The following TTC28 variants were observed in gnomAD, a reference collection of about 807,000 sequenced individuals.
TTC28 encodes tetratricopeptide repeat protein 28.
A neutral mutation model predicts 198.0 loss-of-function variants in TTC28; 61 were observed. That is an observed-to-expected ratio of 0.31 (90% CI 0.25 to 0.38). TTC28 has a LOEUF of 0.38. Among genes scored for constraint, TTC28 ranks in the 10% least tolerant of loss-of-function variants. The pLI, the probability that TTC28 is intolerant of heterozygous loss-of-function variation, is 1.00. For synonymous variants in TTC28, 1,171 were observed against 1,297.8 expected (o/e 0.90, Z 2.10); for missense variants, 2,678 against 3,164.0 (o/e 0.85, Z 3.69).
At chr22:28,133,098 C>G (rs1322646260) in intron 6 of TTC28, among the ~76,000 whole-genome samples, 2 of 152,158 alleles carry the variant, frequency 1.3e-5, no homozygotes, top group African/African-American at 4.8e-5. Context: ...TGGCGCATGC[C>G]TGTAATTCCA....
At chr22:28,156,152 G>C (rs1439016862) in intron 6 of TTC28, among the ~76,000 whole-genome samples, 9 of 152,170 alleles carry the variant, frequency 5.9e-5, no homozygotes, top group Non-Finnish European at 1.3e-4. Flanking sequence ...CTAATCTCCA[G>C]AACCTGTGAA....
intron 12 of TTC28, among the ~76,000 whole-genome samples, chr22:28,059,441 T>G (rs924769001): frequency 6.6e-6 from 1 of 152,026 alleles, no homozygotes; most frequent in African/African-American, 2.4e-5. Flanking sequence ...TATCAAAATG[T>G]GTTTTATAGT....
rs1937094868 is a variant in TTC28 at position 27,983,501 on chromosome 22, ATTC to A, written c.6163_6165del (p.Glu2055del). The A allele has an allele frequency of 6.5e-6, 10 of 1,547,862 alleles. No individual in the cohort carries two copies. Among genetic ancestry groups the A allele is most frequent in the Non-Finnish European group, 7.0e-6 (8 of 1,145,994 alleles). The stretch of plus-strand genomic sequence containing the variant: ...TTACTGATGATAGAAAACCCTTCAT[ATTC>A]TTCTTCATCTTTGTTGCCTGCAGGG... On this transcript the variant is annotated inframe_deletion, in exon 23 of 23. Coordinates refer to ENST00000397906, the MANE Select transcript of TTC28 (RefSeq NM_001145418.2).
At chr22:28,149,792 T>C (rs551588774) in intron 6 of TTC28, among the ~76,000 whole-genome samples, 1 of 152,230 alleles carries the variant, frequency 6.6e-6, no homozygotes, top group Non-Finnish European at 1.5e-5. Flanking sequence ...GGTGCAAATT[T>C]CCAGTTAGAC....
At chr22:28,035,270 G>A (rs1939293836) in intron 12 of TTC28, among the ~76,000 whole-genome samples, 1 of 152,122 alleles carries the variant, frequency 6.6e-6, no homozygotes, top group South Asian at 2.1e-4. Context: ...GAAAACGACA[G>A]GCGAGAAACT....
At chr22:28,263,127 T>C (rs1931436953) in intron 5 of TTC28, among the ~76,000 whole-genome samples, 1 of 152,128 alleles carries the variant, frequency 6.6e-6, no homozygotes, top group Non-Finnish European at 1.5e-5. Flanking sequence ...GAGGTGTTGA[T>C]TGAGATGAAT....
At chr22:28,361,887 A>G (rs1016538720) in intron 2 of TTC28, among the ~76,000 whole-genome samples, 1 of 152,232 alleles carries the variant, frequency 6.6e-6, no homozygotes, top group Admixed American at 6.5e-5. Context: ...CAAATGAAAC[A>G]ACAATGCCTG....
intron 12 of TTC28, 39 bp downstream of exon 12, chr22:28,094,041 T>A (rs1941896466): frequency 6.7e-7 from 1 of 1,488,474 alleles, no homozygotes; most frequent in Non-Finnish European, 8.9e-7. Flanking sequence ...TACCCTGAGA[T>A]TTATCTGAAA....
chr22:28,400,506 G>A (rs2046889839), intron 2 of TTC28, among the ~76,000 whole-genome samples: 1 of 152,192 alleles, frequency 6.6e-6, no homozygotes, highest in Admixed American at 6.5e-5. Context: ...AAGACCCAGT[G>A]CACATATAGT....
intron 2 of TTC28, among the ~76,000 whole-genome samples, chr22:28,363,590 T>C (rs149623329): frequency 0.016 from 2,401 of 152,228 alleles, 85 homozygotes; most frequent in African/African-American, 0.056. Context: ...GTAGATCCAC[T>C]GACAGCTTGC....
At chr22:28,216,421 T>G (rs1927405654) in intron 5 of TTC28, among the ~76,000 whole-genome samples, 1 of 152,174 alleles carries the variant, frequency 6.6e-6, no homozygotes, top group Non-Finnish European at 1.5e-5. Context: ...AGTCTAACTC[T>G]CCTTCAGCCA....
intron 5 of TTC28, among the ~76,000 whole-genome samples, chr22:28,220,686 T>A (rs1355280659): frequency 1.3e-5 from 2 of 152,158 alleles, no homozygotes; most frequent in Non-Finnish European, 2.9e-5. Flanking sequence ...ATACACAAAA[T>A]AATGTACATT....
At chr22:28,548,060 C>G (rs886489786) in intron 2 of TTC28, among the ~76,000 whole-genome samples, 1 of 152,038 alleles carries the variant, frequency 6.6e-6, no homozygotes, top group Non-Finnish European at 1.5e-5. Flanking sequence ...TTATTATTAT[C>G]TAAATATCAT....
At chr22:28,008,389 A>T (rs1181318307) in intron 14 of TTC28, 1 of 152,210 alleles carries the variant, frequency 6.6e-6, no homozygotes, top group African/African-American at 2.4e-5. Context: ...AGCCTAACAG[A>T]CATAAACAAG....
intron 12 of TTC28, among the ~76,000 whole-genome samples, chr22:28,032,936 A>G (rs150482567): frequency 7.2e-5 from 11 of 152,340 alleles, no homozygotes; most frequent in Non-Finnish European, 1.5e-4. Context: ...CTGAACAGGC[A>G]GGCAGGTGAA....
chr22:28,192,442 T>A (rs141326646), intron 5 of TTC28, among the ~76,000 whole-genome samples: 5,377 of 152,254 alleles, frequency 0.035, 224 homozygotes, highest in East Asian at 0.16. Context: ...GGATGGAGAA[T>A]GACTTTGACG....
intron 5 of TTC28, among the ~76,000 whole-genome samples, chr22:28,173,497 A>C (rs1309032354): frequency 1.3e-5 from 2 of 152,234 alleles, no homozygotes; most frequent in African/African-American, 2.4e-5. Flanking sequence ...TTATGCTAAC[A>C]AACTATCTAG....
chr22:28,082,436 T>G (rs192338507), intron 12 of TTC28, among the ~76,000 whole-genome samples: 28 of 152,206 alleles, frequency 1.8e-4, no homozygotes, highest in Non-Finnish European at 4.0e-4. Context: ...TTTACTAGCT[T>G]GCAGTGTGGT....
chr22:28,018,451 A>G lies in TTC28; in HGVS notation c.4074-4059T>C, dbSNP rs570872857. ...ATTTGAGGTCAAAGTAAATCCATCA[A>G]GACTTTCTCCCTGAGCAGGAGGCAT... On this transcript the variant is annotated intron_variant, in intron 13 of 22. Coordinates refer to ENST00000397906, the MANE Select transcript of TTC28 (RefSeq NM_001145418.2). Among the ~76,000 whole-genome samples the G allele has an allele frequency of 4.3e-4, 66 of 152,330 alleles. 1 individual carries two copies. The South Asian group carries it at 0.013, about 29-fold the overall frequency.
Sources: gnomAD v4.1 joint callset for allele counts (sites outside exome capture counted in the v4.1 genomes callset) on GRCh38, gnomAD v4.1.1 for gene constraint, MANE v1.5 for transcripts, NCBI Gene and HGNC (gene_info 2026-07-23, HGNC 2026-07-21) for gene names.